The following LRRC7 variants were observed in gnomAD, a reference collection of about 807,000 sequenced individuals.
The protein encoded by LRRC7 is leucine-rich repeat-containing protein 7.
In LRRC7, 23 loss-of-function variants were observed where a neutral mutation model predicts 175.7. That is an observed-to-expected ratio of 0.13 (90% CI 0.09 to 0.19). The LOEUF is 0.19. Ranked by LOEUF, LRRC7 falls within the 10% of genes least tolerant of loss-of-function variation. The pLI, the probability that LRRC7 is intolerant of heterozygous loss-of-function variation, is 1.00. For synonymous variants in LRRC7, 685 were observed against 680.9 expected (o/e 1.01, Z -0.09); for missense variants, 1,354 against 1,904.7 (o/e 0.71, Z 5.38).
intron 2 of LRRC7, among the ~76,000 whole-genome samples, chr1:69,715,511 AC>A (rs1225263931): frequency 6.6e-6 from 1 of 152,038 alleles, no homozygotes; most frequent in Non-Finnish European, 1.5e-5. Flanking sequence ...TCTAAAATAC[AC>A]TTAATTACAA....
At chr1:70,100,101 T>C (rs971902431) in intron 25 of LRRC7, among the ~76,000 whole-genome samples, 5 of 152,174 alleles carry the variant, frequency 3.3e-5, no homozygotes, top group Non-Finnish European at 7.4e-5. Flanking sequence ...CAGACATGTT[T>C]AATTGTTAAA....
chr1:69,837,412 C>T (rs1466214206), intron 6 of LRRC7, among the ~76,000 whole-genome samples: 3 of 151,760 alleles, frequency 2.0e-5, no homozygotes. Context: ...ATGTTCCAAA[C>T]CATATAAATC....
intron 21 of LRRC7, 56 bp downstream of exon 21, chr1:70,039,849 T>G: frequency 6.6e-7 from 1 of 1,521,014 alleles, no homozygotes; most frequent in South Asian, 1.3e-5. Context: ...GTTACTTTAT[T>G]GGCATTTCTA....
chr1:70,043,954 A>T lies in LRRC7; in HGVS notation c.3970A>T (p.Asn1324Tyr). 42 of 1,605,494 alleles carry T rather than the reference A, an allele frequency of 2.6e-5. No homozygotes were observed. The highest frequency in any genetic ancestry group is 3.5e-5 in the Non-Finnish European group (41 of 1,173,588). ...TCACATGATTATTTCCTCTACTCAGAATGCTGCTTACAAACACAATACAGT... is the reference window on the plus strand; with the variant it reads ...TCACATGATTATTTCCTCTACTCAGTATGCTGCTTACAAACACAATACAGT... Reference protein sequence around the residue: ...RHIEARRLDRNAAYKHNTVNL... With the variant: ...RHIEARRLDRYAAYKHNTVNL... Residue 1324 changes from asparagine (N) to tyrosine (Y), a missense_variant and splice_region_variant, in exon 22 of 27, where the codon AAT (asparagine) becomes TAT (tyrosine). Asn to Tyr is a moderately radical substitution (Grantham distance 143). Around this residue, in one of 4 missense-constraint regions of LRRC7, gnomAD observed 1,032 missense variants for 1,227.2 expected, o/e 0.84. Transcript: ENST00000651989.
chr1:70,058,928 T>C (rs571931893), intron 23 of LRRC7, among the ~76,000 whole-genome samples: 207 of 152,196 alleles, frequency 1.4e-3, no homozygotes, highest in Non-Finnish European at 2.6e-3. Flanking sequence ...ATTAGGAGTC[T>C]TAAACACATT....
intron 2 of LRRC7, among the ~76,000 whole-genome samples, chr1:69,717,936 G>GAAAGAAGAA (rs750179328): frequency 0.34 from 24,705 of 72,368 alleles, 3,437 homozygotes; most frequent in African/African-American, 0.44. Context: ...AGAAAAGAAA[G>GAAAGAAGAA]AAAGAAAGAA....
chr1:70,108,071 A>G (rs1048706120), intron 26 of LRRC7, among the ~76,000 whole-genome samples: 19 of 150,942 alleles, frequency 1.3e-4, no homozygotes, highest in Non-Finnish European at 2.2e-4. Flanking sequence ...GTTGAATTGA[A>G]TGGAATTACT....
intron 2 of LRRC7, among the ~76,000 whole-genome samples, chr1:69,746,535 T>C (rs1213166010): frequency 6.6e-6 from 1 of 152,156 alleles, no homozygotes; most frequent in Non-Finnish European, 1.5e-5. Flanking sequence ...AACAGATTGA[T>C]GAATCTAATT....
At chr1:69,856,328 G>A (rs964368121) in intron 7 of LRRC7, among the ~76,000 whole-genome samples, 11 of 152,044 alleles carry the variant, frequency 7.2e-5, no homozygotes, top group Non-Finnish European at 1.0e-4. Context: ...CCAGGAGCTG[G>A]TTTTTTGAAA....
At position 70,076,109 on chromosome 1, in the gene LRRC7, C is replaced by T; in HGVS notation, c.4263C>T (p.Ser1421=). 1 of 1,613,810 alleles carries T rather than the reference C, an allele frequency of 6.2e-7. No homozygotes were observed. Among genetic ancestry groups the T allele is most frequent in the Non-Finnish European group, 8.5e-7 (1 of 1,179,960 alleles). Residue 1421 remains serine (S), a synonymous_variant, in exon 24 of 27, where the codon TCC becomes TCT. Coordinates refer to ENST00000651989, the MANE Select transcript of LRRC7 (RefSeq NM_001370785.2). ...AGSHIQTLMG[S]QSLQHRSREQ... is the part of the protein sequence containing the mutation. ...GCCACATCCAGACGTTGATGGGGTC[C>T]CAAAGCCTTCAGCATCGCAGCCGGG... is the stretch of plus-strand genomic sequence containing the variant.
intron 2 of LRRC7, among the ~76,000 whole-genome samples, chr1:69,730,944 T>C (rs1304514993): frequency 6.6e-6 from 1 of 151,972 alleles, no homozygotes; most frequent in African/African-American, 2.4e-5. Flanking sequence ...GAATCAAGAA[T>C]ATCTATCTTC....
At chr1:69,707,389 T>C (rs1412801671) in intron 2 of LRRC7, among the ~76,000 whole-genome samples, 1 of 152,172 alleles carries the variant, frequency 6.6e-6, no homozygotes, top group Non-Finnish European at 1.5e-5. Flanking sequence ...CCACAGTGTC[T>C]GTCAGCATCT....
At chr1:69,928,470 C>A (rs1349613683) in intron 7 of LRRC7, among the ~76,000 whole-genome samples, 1 of 152,238 alleles carries the variant, frequency 6.6e-6, no homozygotes, top group Non-Finnish European at 1.5e-5. Flanking sequence ...TCAGTTTGAG[C>A]TTCATGGCTG....
chr1:69,909,458 C>T (rs1162648881), intron 7 of LRRC7, among the ~76,000 whole-genome samples: 1 of 152,094 alleles, frequency 6.6e-6, no homozygotes, highest in East Asian at 1.9e-4. Flanking sequence ...TCTTTTAGGG[C>T]AGGCCTGGGG....
In LRRC7 at chr1:69,941,197, T is replaced by C. The variant is rs78720291; in HGVS notation, c.711+9627T>C. ...ATGAGAAAAGTATTGGGAGATAAGT[T>C]AATTTGTGGAGTGGGAGAGAACCCT... On this transcript the variant is annotated intron_variant, in intron 8 of 26. Coordinates refer to ENST00000651989, the MANE Select transcript of LRRC7 (RefSeq NM_001370785.2). 8.0e-3 allele frequency among the ~76,000 whole-genome samples: 1,225 copies of C among 152,196 alleles called. 15 individuals are homozygous for C. Among genetic ancestry groups the C allele is most frequent in the African/African-American group, 0.027 (1,121 of 41,550 alleles).
intron 3 of LRRC7, among the ~76,000 whole-genome samples, chr1:69,788,346 G>T (rs1674728937): frequency 6.6e-6 from 1 of 152,182 alleles, no homozygotes. Context: ...AGCAGTGAGT[G>T]AGTGTGAGGG....
chr1:69,870,886 A>C (rs975660185), intron 7 of LRRC7, among the ~76,000 whole-genome samples: 22 of 152,150 alleles, frequency 1.4e-4, no homozygotes, highest in African/African-American at 5.1e-4. Context: ...TGAAAATGTT[A>C]TAAGGTATGT....
chr1:70,110,961 A>G (rs1288305671), intron 26 of LRRC7, among the ~76,000 whole-genome samples: 1 of 152,208 alleles, frequency 6.6e-6, no homozygotes, highest in African/African-American at 2.4e-5. Context: ...TGAGTTATCT[A>G]TCACTTAAAA....
rs1438981461 is a variant in LRRC7, at chr1:70,139,470, G to A, written c.*17583G>A. Reference sequence around the variant, plus strand: ...CATTTGGATTCAGATGTACCCTAAAGACAACTATGCTATAATGGCTTGTCT... The same window carrying A: ...CATTTGGATTCAGATGTACCCTAAAAACAACTATGCTATAATGGCTTGTCT... On this transcript the variant is annotated 3_prime_UTR_variant, in exon 27 of 27. Coordinates refer to ENST00000651989, the MANE Select transcript of LRRC7 (RefSeq NM_001370785.2). The A allele has an allele frequency of 6.6e-6, 1 of 152,168 alleles. No individual in the cohort carries two copies. Among genetic ancestry groups the A allele is most frequent in the Non-Finnish European group, 1.5e-5 (1 of 68,034 alleles). 9.4% of individuals were successfully genotyped at this position (152,168 alleles called of 1,614,324 possible). A position where few individuals can be genotyped will look rare whatever the true frequency, so the allele number is the denominator to read the frequency against.
Sources: allele counts gnomAD v4.1 joint callset (sites outside exome capture counted in the v4.1 genomes callset), GRCh38; gene constraint gnomAD v4.1.1; regional missense constraint gnomAD v4.1.1; transcripts MANE v1.5; gene names NCBI Gene and HGNC (gene_info 2026-07-23, HGNC 2026-07-21).